The following CABIN1 variants were observed in gnomAD, a reference collection of about 807,000 sequenced individuals.
CABIN1 encodes the protein calcineurin-binding protein cabin-1.
In CABIN1, 133 loss-of-function variants were observed where a neutral mutation model predicts 227.7. That is an observed-to-expected ratio of 0.58 (90% CI 0.51 to 0.67). The LOEUF is 0.67. CABIN1 is among the 30% of genes least tolerant of loss of function. The pLI, the probability that CABIN1 is intolerant of heterozygous loss-of-function variation, is 0.00. For missense variants in CABIN1, 2,408 were observed against 2,852.5 expected, an observed-to-expected ratio of 0.84 and a Z score of 3.55; for synonymous variants, 1,086 against 1,155.1, an observed-to-expected ratio of 0.94 and a Z score of 1.21.
At chr22:24,028,911 G>A (rs150149609) in intron 1 of CABIN1, among the ~76,000 whole-genome samples, 94 of 152,288 alleles carry the variant, frequency 6.2e-4, no homozygotes, top group Admixed American at 3.3e-3. Context: ...AGACCCAGAG[G>A]CAGGGTGATT....
intron 28 of CABIN1, among the ~76,000 whole-genome samples, chr22:24,122,988 G>C (rs1391717181): frequency 6.6e-6 from 1 of 152,114 alleles, no homozygotes; most frequent in Non-Finnish European, 1.5e-5. Context: ...ATCAGCCCCA[G>C]GCAATCTCAT....
intron 6 of CABIN1, among the ~76,000 whole-genome samples, chr22:24,046,768 G>T (rs568513846): frequency 2.0e-5 from 3 of 152,298 alleles, no homozygotes; most frequent in African/African-American, 7.2e-5. Flanking sequence ...AGACCCAGGA[G>T]TGATGGTGTA....
chr22:24,020,944 T>C (rs895116166), intron 1 of CABIN1, among the ~76,000 whole-genome samples: 1 of 152,110 alleles, frequency 6.6e-6, no homozygotes, highest in Non-Finnish European at 1.5e-5. Context: ...TCCTCTGTTA[T>C]GTTGTTTAGA....
chr22:24,013,801 G>A (rs893220533), intron 1 of CABIN1, among the ~76,000 whole-genome samples: 9 of 152,074 alleles, frequency 5.9e-5, no homozygotes, highest in Admixed American at 3.9e-4. Context: ...GTTTTCCTTG[G>A]CTTTGATGCT....
intron 9 of CABIN1, among the ~76,000 whole-genome samples, chr22:24,055,387 G>A (rs1426534688): frequency 1.3e-5 from 2 of 152,254 alleles, no homozygotes; most frequent in Admixed American, 6.5e-5. Flanking sequence ...AGGAGGACGG[G>A]GGATCAGGGA....
chr22:24,022,649 G>C (rs912444360), intron 1 of CABIN1, among the ~76,000 whole-genome samples: 5 of 152,158 alleles, frequency 3.3e-5, no homozygotes, highest in Non-Finnish European at 7.4e-5. Context: ...TGTATGTTGA[G>C]TTTTATAAGA....
Position 24,050,864 on chromosome 22 carries a change from G to A in CABIN1, c.696G>A (p.Glu232=), listed in dbSNP as rs1286767935. 1 of 1,614,114 alleles carries A rather than the reference G, an allele frequency of 6.2e-7. No homozygotes were observed. Among genetic ancestry groups the A allele is most frequent in the East Asian group, 2.2e-5 (1 of 44,898 alleles). The change falls in exon 8 of 37, where the codon GAG becomes GAA. Residue 232 remains glutamate, a synonymous_variant. Coordinates refer to ENST00000263119, the MANE Select transcript of CABIN1 (RefSeq NM_012295.4). The part of the protein sequence containing the change: ...SIHDVSVSAA[E]TQAIVDEALG... ...ACGATGTTTCGGTGAGTGCAGCTGA[G>A]ACACAGGCGATTGTAGATGAGGCCT...
At chr22:24,167,458 C>T in intron 32 of CABIN1, 145 bp downstream of exon 32, 1 of 702,928 alleles carries the variant, frequency 1.4e-6, no homozygotes, top group Non-Finnish European at 2.4e-6. Flanking sequence ...TGTTCACTTT[C>T]TGCAATGAGC....
intron 28 of CABIN1, among the ~76,000 whole-genome samples, chr22:24,133,096 G>A (rs1382163870): frequency 6.6e-6 from 1 of 152,178 alleles, no homozygotes; most frequent in Non-Finnish European, 1.5e-5. Flanking sequence ...TCCCCTCAGG[G>A]TGGGGCAGGC....
rs547613808 is a variant in CABIN1 at position 24,166,061 on chromosome 22, A to G, written c.5007+435A>G. On this transcript the variant is annotated intron_variant, in intron 31 of 36. Coordinates refer to ENST00000263119, the MANE Select transcript of CABIN1 (RefSeq NM_012295.4). Reference sequence around the variant, plus strand: ...GCCAGGGAGGTTAAGCAGCCAGCCTACGAGGTGGGGCTGTTGGGAGTTGAG... The same window carrying G: ...GCCAGGGAGGTTAAGCAGCCAGCCTGCGAGGTGGGGCTGTTGGGAGTTGAG... Among the ~76,000 whole-genome samples, 292 of 152,300 alleles carry G rather than the reference A, an allele frequency of 1.9e-3. 2 individuals carry two copies. Among genetic ancestry groups the G allele is most frequent in the African/African-American group, 6.8e-3 (282 of 41,574 alleles).
chr22:24,097,885 TG>T lies in CABIN1; in HGVS notation c.3939-125del. On this transcript the variant is annotated intron_variant, in intron 25 of 36. Coordinates refer to ENST00000263119, the MANE Select transcript of CABIN1 (RefSeq NM_012295.4). ...TATGGGCTCTGTGACACCAGGCAGATGGGGTGGGGGCCACCAGAGGTGCATG... is the reference window on the plus strand; with the variant it reads ...TATGGGCTCTGTGACACCAGGCAGATGGGTGGGGGCCACCAGAGGTGCATG... The T allele has an allele frequency of 3.4e-6, 4 of 1,187,444 alleles. 1 individual carries two copies. In the South Asian group the frequency reaches 4.9e-5, roughly 15 times the overall value. The allele number at this position is 1,187,444 out of a possible 1,614,324, so 73.6% of individuals were successfully genotyped here. A position where few individuals can be genotyped will look rare whatever the true frequency, so the allele number is the denominator to read the frequency against.
intron 2 of CABIN1, 34 bp downstream of exon 2, chr22:24,035,554 C>T (rs2036808657): frequency 6.2e-7 from 1 of 1,613,866 alleles, no homozygotes; most frequent in South Asian, 1.1e-5. Context: ...TTGCGGACCT[C>T]AGTGTTCTTT....
chr22:24,042,826 G>C lies in CABIN1; in HGVS notation c.346-78G>C, dbSNP rs1281907991. 843 of 517,292 alleles carry C rather than the reference G, an allele frequency of 1.6e-3. 10 individuals are homozygous for C. The African/African-American group carries it at 0.018, about 11-fold the overall frequency. The allele number at this position is 517,292 out of a possible 1,614,324, so 32.0% of individuals were successfully genotyped here. A position where few individuals can be genotyped will look rare whatever the true frequency, so the allele number is the denominator to read the frequency against. ...TTCAAGGAGAGATCTGACTGTGTGT[G>C]TGTGTGTGTGTGTGTGTGTGTGTGT... On this transcript the variant is annotated intron_variant, in intron 5 of 36. Transcript: ENST00000263119.
At chr22:24,142,594 C>T (rs951439378) in intron 29 of CABIN1, among the ~76,000 whole-genome samples, 1 of 152,172 alleles carries the variant, frequency 6.6e-6, no homozygotes, top group Non-Finnish European at 1.5e-5. Flanking sequence ...GGTACCTTCC[C>T]TGGTGGGCCT....
chr22:24,070,791 C>T lies in CABIN1; in HGVS notation c.2233-9C>T, dbSNP rs1300865205. On this transcript the variant is annotated splice_polypyrimidine_tract_variant and intron_variant, in intron 16 of 36. Coordinates refer to ENST00000263119, the MANE Select transcript of CABIN1 (RefSeq NM_012295.4). ...ACCGTGCACTTCACCTGGCTTCTTG[C>T]TGTACTAGGACTCCTTGCTCCGGCT... The T allele has an allele frequency of 3.1e-6, 5 of 1,614,164 alleles. No homozygotes were observed. The South Asian group carries it at 5.5e-5, about 18-fold the overall frequency.
intron 29 of CABIN1, among the ~76,000 whole-genome samples, chr22:24,141,900 A>C (rs1279184529): frequency 6.6e-6 from 1 of 152,126 alleles, no homozygotes; most frequent in Non-Finnish European, 1.5e-5. Context: ...CCAGCCCTGG[A>C]GCCTGAGTGC....
chr22:24,053,142 A>G (rs1263552893), intron 8 of CABIN1, among the ~76,000 whole-genome samples: 20 of 149,248 alleles, frequency 1.3e-4, no homozygotes, highest in Admixed American at 6.0e-4. Flanking sequence ...CAGTGGCACA[A>G]TCTCGGCTCA....
chr22:24,131,677 C>T (rs2044082235), intron 28 of CABIN1, among the ~76,000 whole-genome samples: 1 of 152,206 alleles, frequency 6.6e-6, no homozygotes, highest in Non-Finnish European at 1.5e-5. Flanking sequence ...ATCACCTTCT[C>T]CCAGAGCCTC....
chr22:24,086,602 C>G (rs949416960), intron 22 of CABIN1, among the ~76,000 whole-genome samples: 3 of 152,230 alleles, frequency 2.0e-5, no homozygotes, highest in African/African-American at 4.8e-5. Flanking sequence ...GCTAGCAGTG[C>G]ATTAAGGACG....
Sources: gnomAD v4.1 joint callset for allele counts (sites outside exome capture counted in the v4.1 genomes callset) on GRCh38, gnomAD v4.1.1 for gene constraint, MANE v1.5 for transcripts, NCBI Gene and HGNC (gene_info 2026-07-23, HGNC 2026-07-21) for gene names.